The following SLC8A1 variants were observed in gnomAD, a reference collection of about 807,000 sequenced individuals.
SLC8A1 encodes the protein solute carrier family 8 member A1, also known as sodium/calcium exchanger 1.
In SLC8A1, 18 loss-of-function variants were observed where a neutral mutation model predicts 68.3. That is an observed-to-expected ratio of 0.26 (90% confidence interval 0.18 to 0.39). The LOEUF is 0.39. SLC8A1 is among the 10% of genes least tolerant of loss of function. The pLI is 1.00. For synonymous variants in SLC8A1, 475 were observed against 415.5 expected, an observed-to-expected ratio of 1.14 and a Z score of -1.74; for missense variants, 985 against 1,156.7, an observed-to-expected ratio of 0.85 and a Z score of 2.15.
intron 6 of SLC8A1, among the ~76,000 whole-genome samples, chr2:40,146,013 C>G (rs1157808525): frequency 6.6e-6 from 1 of 152,086 alleles, no homozygotes; most frequent in African/African-American, 2.4e-5. Flanking sequence ...TTTCTCTATA[C>G]CTTAATTGGT....
At chr2:40,243,038 A>G (rs187447652) in intron 2 of SLC8A1, among the ~76,000 whole-genome samples, 59 of 152,326 alleles carry the variant, frequency 3.9e-4, no homozygotes, top group African/African-American at 1.3e-3. Flanking sequence ...AAACGTGGAT[A>G]CGAGTGTCTA....
At chr2:40,361,258 T>C (rs1012933567) in intron 2 of SLC8A1, among the ~76,000 whole-genome samples, 3 of 152,118 alleles carry the variant, frequency 2.0e-5, no homozygotes, top group Non-Finnish European at 2.9e-5. Flanking sequence ...ATGAACAGGA[T>C]GGTTACAACC....
chr2:40,335,644 C>T (rs879562406), intron 2 of SLC8A1, among the ~76,000 whole-genome samples: 1 of 152,192 alleles, frequency 6.6e-6, no homozygotes, highest in Non-Finnish European at 1.5e-5. Context: ...CCTAAAAGAA[C>T]AGAAATGGGT....
intron 2 of SLC8A1, among the ~76,000 whole-genome samples, chr2:40,297,853 C>T (rs1441894328): frequency 6.6e-6 from 1 of 152,108 alleles, no homozygotes; most frequent in Admixed American, 6.6e-5. Flanking sequence ...CCAAACACAA[C>T]TGAGATGAAG....
At chr2:40,447,811 T>C (rs926367120) in intron 1 of SLC8A1, among the ~76,000 whole-genome samples, 3 of 152,234 alleles carry the variant, frequency 2.0e-5, no homozygotes, top group Admixed American at 2.0e-4. Flanking sequence ...CTGTATAGAC[T>C]GCTGCCTGCA....
At chr2:40,241,783 G>A (rs1416270174) in intron 2 of SLC8A1, among the ~76,000 whole-genome samples, 3 of 152,106 alleles carry the variant, frequency 2.0e-5, no homozygotes, top group African/African-American at 4.8e-5. Flanking sequence ...ACTTGTCATA[G>A]CCCCTAAGGA....
intron 2 of SLC8A1, among the ~76,000 whole-genome samples, chr2:40,277,794 G>GTATATATA (rs56145701): frequency 0.02 from 2,101 of 107,608 alleles, 24 homozygotes; most frequent in Non-Finnish European, 0.024. Flanking sequence ...ATATATGTGT[G>GTATATATA]TATATATATA....
At position 40,160,997 on chromosome 2, in the gene SLC8A1, C is replaced by T. The variant is rs1558573536; in HGVS notation, c.2062-133G>A. On this transcript the variant is annotated intron_variant, in intron 5 of 7. Coordinates refer to ENST00000406785, the Ensembl canonical transcript of SLC8A1. ...GTTAGGCTCAAAACAACAGTATTGA[C>T]ATCAAACACTGTTATGATTATGCAA... is the stretch of plus-strand genomic sequence containing the variant. 5 of 636,306 alleles carry T rather than the reference C, an allele frequency of 7.9e-6. No individual in the cohort carries two copies. In the East Asian group the frequency reaches 8.3e-5, roughly 11 times the overall value. 39.4% of individuals were successfully genotyped at this position (636,306 alleles called of 1,614,324 possible).
chr2:40,133,398 G>A (rs965076642), intron 7 of SLC8A1, among the ~76,000 whole-genome samples: 3 of 151,536 alleles, frequency 2.0e-5, no homozygotes, highest in South Asian at 4.2e-4. Flanking sequence ...AATTGGGGGG[G>A]GGGGGGGTGG....
intron 2 of SLC8A1, among the ~76,000 whole-genome samples, chr2:40,264,673 G>C (rs934308901): frequency 3.3e-5 from 5 of 152,142 alleles, no homozygotes; most frequent in African/African-American, 1.2e-4. Flanking sequence ...ACACAGGAAG[G>C]GGAACATCAC....
intron 2 of SLC8A1, among the ~76,000 whole-genome samples, chr2:40,281,142 C>A (rs149781882): frequency 6.6e-6 from 1 of 152,032 alleles, no homozygotes; most frequent in Non-Finnish European, 1.5e-5. Context: ...CACCAAAGCA[C>A]CCATGGTAGC....
intron 2 of SLC8A1, among the ~76,000 whole-genome samples, chr2:40,335,482 A>T (rs908996141): frequency 1.3e-5 from 2 of 152,256 alleles, no homozygotes; most frequent in African/African-American, 4.8e-5. Context: ...AACTGTGAAT[A>T]CTGTGTACAA....
exon 8 of SLC8A1, chr2:40,103,400 A>AT (rs1221064294): frequency 1.3e-5 from 2 of 152,114 alleles, no homozygotes; most frequent in African/African-American, 4.8e-5. Flanking sequence ...TTGAGTAGTC[A>AT]TTTACTCCAT....
intron 1 of SLC8A1, among the ~76,000 whole-genome samples, chr2:40,459,056 C>T (rs906545770): frequency 1.3e-5 from 2 of 152,056 alleles, no homozygotes; most frequent in Non-Finnish European, 2.9e-5. Context: ...GGATGGACTC[C>T]GGACCAGGCA....
intron 7 of SLC8A1, among the ~76,000 whole-genome samples, chr2:40,120,121 C>T (rs185352648): frequency 6.6e-6 from 1 of 152,332 alleles, no homozygotes; most frequent in East Asian, 1.9e-4. Context: ...AGGTCATTCT[C>T]ACAGTCTTGC....
chr2:40,309,246 C>T (rs1418189032), intron 2 of SLC8A1, among the ~76,000 whole-genome samples: 1 of 152,102 alleles, frequency 6.6e-6, no homozygotes, highest in Non-Finnish European at 1.5e-5. Context: ...TAGGCAGGAG[C>T]TGCATTTTCA....
intron 2 of SLC8A1, among the ~76,000 whole-genome samples, chr2:40,203,050 T>A (rs753198636): frequency 6.6e-6 from 1 of 151,912 alleles, no homozygotes; most frequent in African/African-American, 2.4e-5. Flanking sequence ...GACAACAACA[T>A]GGGATTGTTG....
chr2:40,365,900 G>A (rs1676018231), intron 2 of SLC8A1, among the ~76,000 whole-genome samples: 1 of 151,734 alleles, frequency 6.6e-6, no homozygotes, highest in South Asian at 2.1e-4. Context: ...TAGGGAGGCT[G>A]AGGCAGGACT....
At chr2:40,226,627 G>C (rs1029749582) in intron 2 of SLC8A1, among the ~76,000 whole-genome samples, 2 of 152,142 alleles carry the variant, frequency 1.3e-5, no homozygotes, top group Non-Finnish European at 2.9e-5. Flanking sequence ...CAGAAGAGAA[G>C]AGCCAACAGT....
Sources: gnomAD v4.1 joint callset for allele counts (sites outside exome capture counted in the v4.1 genomes callset) on GRCh38, gnomAD v4.1.1 for gene constraint, MANE v1.5 for transcripts, NCBI Gene and HGNC (gene_info 2026-07-23, HGNC 2026-07-21) for gene names.